The following ZMYM2 variants were observed in gnomAD, a reference collection of about 807,000 sequenced individuals.
The protein encoded by ZMYM2 is zinc finger MYM-type containing 2.
In ZMYM2, 56 loss-of-function variants were observed where a neutral mutation model predicts 162.8. The ratio of observed to expected loss-of-function variants is 0.34; its 90% CI spans 0.28 to 0.43. The LOEUF is 0.43. Among genes scored for constraint, ZMYM2 ranks in the 20% least tolerant of loss-of-function variants. The pLI is 1.00. For missense variants in ZMYM2, 1,275 were observed against 1,621.8 expected (o/e 0.79, Z 3.67); for synonymous variants, 510 against 541.6 (o/e 0.94, Z 0.81).
chr13:19,976,636 A>T lies in ZMYM2; in HGVS notation c.-10-16427A>T, dbSNP rs937748603. Among the ~76,000 whole-genome samples, 8 of 152,312 alleles carry T rather than the reference A, an allele frequency of 5.3e-5. No homozygotes were observed. The South Asian group carries it at 1.0e-3, about 20-fold the overall frequency. ...GTTTATGAATTTGACTACTTTAGATACTTCACATAAGTGGAATCCTGCAGT... is the reference window on the plus strand; with the variant it reads ...GTTTATGAATTTGACTACTTTAGATTCTTCACATAAGTGGAATCCTGCAGT... On this transcript the variant is annotated intron_variant, in intron 2 of 24. Coordinates refer to ENST00000610343, the MANE Select transcript of ZMYM2 (RefSeq NM_197968.4).
At chr13:19,907,792 T>A in the ZMYM2 span, among the ~76,000 whole-genome samples, 7 of 121,466 alleles carry the variant, frequency 5.8e-5, no homozygotes, top group Non-Finnish European at 8.7e-5. Flanking sequence ...AAAGGTAAAG[T>A]CTATTTTTAA....
chr13:19,887,430 G>A, the ZMYM2 span, among the ~76,000 whole-genome samples: 36 of 151,682 alleles, frequency 2.4e-4, no homozygotes, highest in East Asian at 6.8e-3. Context: ...ATGGGAGGCT[G>A]AGGCAGGAGA....
At position 19,959,177 on chromosome 13, in the gene ZMYM2, G is replaced by GCGGCGGGA. The variant is rs1165952027; in HGVS notation, c.-80+352_-80+359dup. On this transcript the variant is annotated intron_variant, in intron 1 of 24. Coordinates refer to ENST00000610343, the MANE Select transcript of ZMYM2 (RefSeq NM_197968.4). ...CGGCGGGGGTCGCGGGGCCGGCGGG[G>GCGGCGGGA]CGGCGGGACGGCGGGACGGCGGGGC... Among the ~76,000 whole-genome samples, 87 of 148,174 alleles carry GCGGCGGGA rather than the reference G, an allele frequency of 5.9e-4. 2 individuals carry two copies. The highest frequency in any genetic ancestry group is 1.2e-3 in the Admixed American group (18 of 14,918).
intron 7 of ZMYM2, chr13:20,019,897 G>T: frequency 4.2e-6 from 1 of 239,746 alleles, no homozygotes. Flanking sequence ...CTTGTACACA[G>T]TAGGCATTTA....
intron 12 of ZMYM2, among the ~76,000 whole-genome samples, chr13:20,048,114 C>T (rs922957617): frequency 2.6e-5 from 4 of 151,820 alleles, no homozygotes; most frequent in South Asian, 2.1e-4. Context: ...TATTACTTTT[C>T]GATTGCACAG....
chr13:19,994,213 G>T (rs551497317), intron 3 of ZMYM2, among the ~76,000 whole-genome samples: 139 of 152,298 alleles, frequency 9.1e-4, no homozygotes, highest in South Asian at 1.7e-3. Context: ...GGGCACGGCG[G>T]CTCACACCTG....
At chr13:19,903,902 G>C in the ZMYM2 span, among the ~76,000 whole-genome samples, 1 of 152,028 alleles carries the variant, frequency 6.6e-6, no homozygotes, top group African/African-American at 2.4e-5. Context: ...CAGTGTTTAG[G>C]GAGGTTTTTT....
chr13:19,911,006 A>G, the ZMYM2 span, among the ~76,000 whole-genome samples: 5 of 151,598 alleles, frequency 3.3e-5, no homozygotes, highest in African/African-American at 1.2e-4. Flanking sequence ...AACCTGAATC[A>G]TAAAAACAGA....
At chr13:20,000,857 T>C (rs1433474563) in intron 3 of ZMYM2, among the ~76,000 whole-genome samples, 1 of 152,236 alleles carries the variant, frequency 6.6e-6, no homozygotes. Context: ...CTGCCATAGA[T>C]AGTGATTCCT....
intron 6 of ZMYM2, among the ~76,000 whole-genome samples, chr13:20,016,885 T>C (rs1951677969): frequency 6.6e-6 from 1 of 152,258 alleles, no homozygotes; most frequent in Non-Finnish European, 1.5e-5. Flanking sequence ...TTATCAAATA[T>C]GGCAAGTTTT....
the ZMYM2 span, among the ~76,000 whole-genome samples, chr13:19,921,228 C>G: frequency 6.6e-6 from 1 of 152,122 alleles, no homozygotes; most frequent in Non-Finnish European, 1.5e-5. Flanking sequence ...CAACCTCCAC[C>G]TCCCAGGTTC....
intron 21 of ZMYM2, among the ~76,000 whole-genome samples, chr13:20,079,049 G>A (rs1469667193): frequency 1.4e-4 from 21 of 150,662 alleles, no homozygotes; most frequent in African/African-American, 2.2e-4. Context: ...GGCTGGGCGC[G>A]GTGTCTCATG....
chr13:19,887,615 T>G, the ZMYM2 span, among the ~76,000 whole-genome samples: 37 of 151,904 alleles, frequency 2.4e-4, no homozygotes, highest in Non-Finnish European at 4.3e-4. Context: ...ACCTCGTGAT[T>G]TTTGATCTGG....
chr13:19,909,579 C>G, the ZMYM2 span, among the ~76,000 whole-genome samples: 3 of 151,902 alleles, frequency 2.0e-5, no homozygotes, highest in African/African-American at 7.3e-5. Context: ...ATTACAGGCA[C>G]GTGACACCAC....
intron 21 of ZMYM2, among the ~76,000 whole-genome samples, chr13:20,074,578 G>A (rs1457260958): frequency 2.1e-5 from 3 of 145,104 alleles, no homozygotes; most frequent in Non-Finnish European, 3.0e-5. Flanking sequence ...TTACTCTGTC[G>A]CCCAGGCTGG....
chr13:19,999,165 G>A (rs61037341), intron 3 of ZMYM2, among the ~76,000 whole-genome samples: 11,706 of 152,240 alleles, frequency 0.077, 1,372 homozygotes, highest in African/African-American at 0.25. Context: ...TGCAGTGGTA[G>A]AGGAATTTGA....
At chr13:19,984,453 C>G (rs986931361) in intron 2 of ZMYM2, among the ~76,000 whole-genome samples, 1 of 152,148 alleles carries the variant, frequency 6.6e-6, no homozygotes, top group Non-Finnish European at 1.5e-5. Flanking sequence ...TAGGAGTGTG[C>G]TAAGTGGTTT....
chr13:19,969,505 C>G (rs567282645), intron 2 of ZMYM2, among the ~76,000 whole-genome samples: 31 of 152,086 alleles, frequency 2.0e-4, no homozygotes, highest in Non-Finnish European at 3.7e-4. Flanking sequence ...AGAGTGCTGT[C>G]AAGCATGTTT....
intron 24 of ZMYM2, 88 bp from the exon 25 acceptor site, chr13:20,085,734 A>T: frequency 1.6e-6 from 2 of 1,212,454 alleles, no homozygotes; most frequent in Non-Finnish European, 2.3e-6. Flanking sequence ...TAACGTGATT[A>T]ATGGGGTCTG....
Sources: gnomAD v4.1 joint callset for allele counts (sites outside exome capture counted in the v4.1 genomes callset) on GRCh38, gnomAD v4.1.1 for gene constraint, MANE v1.5 for transcripts, NCBI Gene and HGNC (gene_info 2026-07-23, HGNC 2026-07-21) for gene names.